The following CEP112 variants were observed in gnomAD, a reference collection of about 807,000 sequenced individuals.
CEP112 encodes the protein centrosomal protein 112, also known as centrosomal protein of 112 kDa.
Under a neutral mutation model 153.0 loss-of-function variants are expected in CEP112, and 127 were observed. The observed-to-expected ratio is 0.83, with a 90% CI of 0.72 to 0.96. The LOEUF (loss-of-function observed/expected upper bound fraction) is 0.96. Ranked by LOEUF, CEP112 falls within the 40% of genes least tolerant of loss-of-function variation. CEP112 has a pLI of 0.00. For synonymous variants in CEP112, 358 were observed against 374.4 expected, an observed-to-expected ratio of 0.96 and a Z score of 0.51; for missense variants, 1,089 against 1,101.2, an observed-to-expected ratio of 0.99 and a Z score of 0.16.
chr17:65,731,331 T>C (rs2050495113), intron 23 of CEP112, among the ~76,000 whole-genome samples: 1 of 152,236 alleles, frequency 6.6e-6, no homozygotes, highest in Non-Finnish European at 1.5e-5. Flanking sequence ...GTTTACACTA[T>C]ACTATAGTCT....
chr17:65,695,723 A>G lies in CEP112; in HGVS notation c.2608-6505T>C, dbSNP rs553115865. ...ATGTTCCCAGAATACAAGGTATATA[A>G]CAGAGAGAGGCTTTCAGATGTAGTA... On this transcript the variant is annotated intron_variant, in intron 23 of 26. Coordinates refer to ENST00000535342, the MANE Select transcript of CEP112 (RefSeq NM_001199165.4). Among the ~76,000 whole-genome samples, 4 of 152,322 alleles carry G rather than the reference A, an allele frequency of 2.6e-5. No homozygotes were observed. In the East Asian group the frequency reaches 7.7e-4, roughly 29 times the overall value.
intron 24 of CEP112, among the ~76,000 whole-genome samples, chr17:65,668,194 C>G (rs1045589992): frequency 2.6e-5 from 4 of 152,202 alleles, no homozygotes; most frequent in African/African-American, 9.7e-5. Context: ...CTGCGCCCGG[C>G]CTCCTTGGGC....
At chr17:66,161,887 C>T (rs373762843) in intron 4 of CEP112, among the ~76,000 whole-genome samples, 6 of 79,034 alleles carry the variant, frequency 7.6e-5, no homozygotes, top group African/African-American at 2.0e-4. Context: ...ATACATATCA[C>T]ATTACACTGT....
At chr17:65,971,415 A>AGCATATATTGGATGCATGTGATGTAT (rs1555740266) in intron 17 of CEP112, among the ~76,000 whole-genome samples, 2 of 151,416 alleles carry the variant, frequency 1.3e-5, no homozygotes, top group Non-Finnish European at 3.0e-5. Context: ...GCACCCATGC[A>AGCATATATTGGATGCATGTGATGTAT]GCATGCTGCA....
chr17:65,986,675 TCATTATTTCATTC>T (rs1438045789), intron 17 of CEP112, among the ~76,000 whole-genome samples: 1 of 92,332 alleles, frequency 1.1e-5, no homozygotes, highest in Non-Finnish European at 2.3e-5. Flanking sequence ...ACTATACGAT[TCATTATTTCATTC>T]AAAAAATCAA....
chr17:65,984,625 C>G (rs1323113087), intron 17 of CEP112, among the ~76,000 whole-genome samples: 3 of 152,122 alleles, frequency 2.0e-5, no homozygotes, highest in African/African-American at 7.2e-5. Context: ...TTATATGACA[C>G]AATCCTGGAA....
chr17:66,065,473 C>G (rs1452180416), intron 10 of CEP112, among the ~76,000 whole-genome samples: 1 of 150,242 alleles, frequency 6.7e-6, no homozygotes, highest in Non-Finnish European at 1.5e-5. Flanking sequence ...TACCAGGCTA[C>G]TCCTCCCAAA....
intron 8 of CEP112, among the ~76,000 whole-genome samples, chr17:66,091,819 T>G (rs2068142004): frequency 6.6e-6 from 1 of 151,432 alleles, no homozygotes; most frequent in Admixed American, 6.6e-5. Flanking sequence ...AGAAGACAAA[T>G]AAGTAAAATA....
At chr17:66,002,470 A>G (rs1395755860) in intron 17 of CEP112, among the ~76,000 whole-genome samples, 3 of 152,182 alleles carry the variant, frequency 2.0e-5, no homozygotes, top group Non-Finnish European at 4.4e-5. Context: ...TCATGTAACA[A>G]GGTGAAGAAA....
chr17:65,723,180 G>A (rs1329969233), intron 23 of CEP112, among the ~76,000 whole-genome samples: 1 of 152,096 alleles, frequency 6.6e-6, no homozygotes, highest in Admixed American at 6.5e-5. Flanking sequence ...CTGTTCCATG[G>A]TAGGTAGACA....
At chr17:66,024,244 A>G (rs2065111063) in intron 16 of CEP112, among the ~76,000 whole-genome samples, 1 of 152,100 alleles carries the variant, frequency 6.6e-6, no homozygotes, top group South Asian at 2.1e-4. Flanking sequence ...AAGTAATCCC[A>G]ATAAGAACTG....
At chr17:65,980,620 A>G (rs967484427) in intron 17 of CEP112, among the ~76,000 whole-genome samples, 1 of 152,160 alleles carries the variant, frequency 6.6e-6, no homozygotes, top group Non-Finnish European at 1.5e-5. Flanking sequence ...ATTGGCAAGA[A>G]ATATTCAGGG....
intron 8 of CEP112, among the ~76,000 whole-genome samples, chr17:66,078,263 C>CTTTTTTT (rs573290197): frequency 1.2e-5 from 1 of 83,860 alleles, no homozygotes; most frequent in East Asian, 5.9e-4. Flanking sequence ...TTTTCTTTTT[C>CTTTTTTT]TTTTTTTTTT....
At chr17:65,919,362 T>C (rs1170118250) in intron 19 of CEP112, among the ~76,000 whole-genome samples, 2 of 152,142 alleles carry the variant, frequency 1.3e-5, no homozygotes, top group Non-Finnish European at 2.9e-5. Context: ...TCACCTTACC[T>C]GAGTTGGAGA....
intron 12 of CEP112, among the ~76,000 whole-genome samples, chr17:66,043,558 T>C (rs1434235002): frequency 6.6e-6 from 1 of 152,174 alleles, no homozygotes; most frequent in Non-Finnish European, 1.5e-5. Context: ...AGAACTCCAG[T>C]AAGAAAGCCT....
intron 21 of CEP112, among the ~76,000 whole-genome samples, chr17:65,798,128 T>G (rs537562136): frequency 3.3e-5 from 5 of 152,198 alleles, no homozygotes; most frequent in African/African-American, 1.2e-4. Flanking sequence ...TCCATCACTA[T>G]GGTTCTCAAG....
At chr17:66,170,622 G>C (rs1294516059) in intron 4 of CEP112, among the ~76,000 whole-genome samples, 1 of 152,064 alleles carries the variant, frequency 6.6e-6, no homozygotes, top group Non-Finnish European at 1.5e-5. Flanking sequence ...AATTAGCCAG[G>C]CATGGTGGTA....
intron 24 of CEP112, among the ~76,000 whole-genome samples, chr17:65,647,216 C>G (rs2045486759): frequency 7.4e-6 from 1 of 135,752 alleles, no homozygotes; most frequent in South Asian, 2.3e-4. Context: ...TTTTGTTGCC[C>G]AGGCTGGAGT....
At chr17:66,031,373 A>G (rs2065461223) in intron 12 of CEP112, among the ~76,000 whole-genome samples, 1 of 152,104 alleles carries the variant, frequency 6.6e-6, no homozygotes, top group Admixed American at 6.6e-5. Flanking sequence ...TTCCATACTA[A>G]TAAACCCTAC....
Sources: gnomAD v4.1 joint callset for allele counts (sites outside exome capture counted in the v4.1 genomes callset) on GRCh38, gnomAD v4.1.1 for gene constraint, MANE v1.5 for transcripts, NCBI Gene and HGNC (gene_info 2026-07-23, HGNC 2026-07-21) for gene names.